The following NR2F1-AS1 variants were observed in gnomAD, a reference collection of about 807,000 sequenced individuals.
NR2F1-AS1 encodes the protein NR2F1 regulatory antisense RNA 1.
At chr5:93,463,453 G>A (rs1284189181) in intron 4 of NR2F1-AS1, among the ~76,000 whole-genome samples, 2 of 152,232 alleles carry the variant, frequency 1.3e-5, no homozygotes, top group South Asian at 2.1e-4. Context: ...GTGTGGAAGG[G>A]AAATGTGGGG....
At chr5:93,502,077 A>G (rs1309845594) in intron 4 of NR2F1-AS1, among the ~76,000 whole-genome samples, 1 of 152,246 alleles carries the variant, frequency 6.6e-6, no homozygotes, top group African/African-American at 2.4e-5. Context: ...GTATTTTTAA[A>G]TTAAAGTATG....
rs1240010048 is a variant in NR2F1-AS1 at position 93,579,912 on chromosome 5, T to A, written n.313+555A>T. ...TAATCCGCTGACACTATCGCCCACA[T>A]CAGACAGGCAGCCATCGATCGCGTT... On this transcript the variant is annotated intron_variant and non_coding_transcript_variant, in intron 1 of 5. Transcript: ENST00000660523. This position sits in a 1 kb window ranked among gnomAD's most constrained non-coding sequence, Gnocchi z 5.1. Among the ~76,000 whole-genome samples, 1 of 152,152 alleles carries A rather than the reference T, an allele frequency of 6.6e-6. No homozygotes were observed. The highest frequency in any genetic ancestry group is 1.5e-5 in the Non-Finnish European group (1 of 68,024).
At chr5:93,522,588 G>C (rs1751524448) in intron 4 of NR2F1-AS1, among the ~76,000 whole-genome samples, 1 of 152,226 alleles carries the variant, frequency 6.6e-6, no homozygotes. Context: ...CTGGTCAGCA[G>C]CTCCCAGCAA....
intron 4 of NR2F1-AS1, among the ~76,000 whole-genome samples, chr5:93,478,356 C>G (rs1295894382): frequency 6.6e-6 from 1 of 152,170 alleles, no homozygotes; most frequent in East Asian, 1.9e-4. Flanking sequence ...CAATGCTGCA[C>G]TTGTATAAAA....
chr5:93,583,311 T>TCTCTCTCTCTCTC (rs772523710), upstream of NR2F1-AS1: 4 of 151,318 alleles, frequency 2.6e-5, no homozygotes, highest in African/African-American at 4.9e-5. Context: ...CTCTTCTCTC[T>TCTCTCTCTCTCTC]CTCTCTCTCT....
At chr5:93,538,212 C>T (rs1751877475) in intron 4 of NR2F1-AS1, among the ~76,000 whole-genome samples, 1 of 152,142 alleles carries the variant, frequency 6.6e-6, no homozygotes, top group East Asian at 1.9e-4. Context: ...GTGGCTCACA[C>T]CTATAATCCC....
At chr5:93,506,997 CTG>C (rs1447578597) in intron 4 of NR2F1-AS1, among the ~76,000 whole-genome samples, 1 of 152,130 alleles carries the variant, frequency 6.6e-6, no homozygotes, top group African/African-American at 2.4e-5. Flanking sequence ...ATCTACTTAA[CTG>C]TGTCATAATC....
chr5:93,411,253 G>A (rs1178611354), intron 4 of NR2F1-AS1: 1 of 152,202 alleles, frequency 6.6e-6, no homozygotes, highest in African/African-American at 2.4e-5. Flanking sequence ...CTGATTTAAG[G>A]AGCAGCTGAG....
chr5:93,535,875 T>C (rs935704209), intron 4 of NR2F1-AS1, among the ~76,000 whole-genome samples: 13 of 152,028 alleles, frequency 8.6e-5, no homozygotes, highest in Admixed American at 3.9e-4. Flanking sequence ...GCTAACATCA[T>C]GCAAAAGATC....
At chr5:93,518,741 A>G (rs1439246390) in intron 4 of NR2F1-AS1, among the ~76,000 whole-genome samples, 4 of 152,084 alleles carry the variant, frequency 2.6e-5, no homozygotes, top group Non-Finnish European at 4.4e-5. Flanking sequence ...ATTTAAGTAT[A>G]TAAAAACAAA....
chr5:93,482,334 G>C (rs1308153772), intron 4 of NR2F1-AS1, among the ~76,000 whole-genome samples: 1 of 152,150 alleles, frequency 6.6e-6, no homozygotes, highest in African/African-American at 2.4e-5. Context: ...ACCTCACCCA[G>C]GAAGTGCAAG....
chr5:93,458,103 T>G (rs1208381336), intron 4 of NR2F1-AS1, among the ~76,000 whole-genome samples: 3 of 152,076 alleles, frequency 2.0e-5, no homozygotes, highest in Non-Finnish European at 4.4e-5. Flanking sequence ...GCATTTCTCA[T>G]CAGGTGAAAT....
chr5:93,571,623 T>C (rs1281900468), intron 1 of NR2F1-AS1, among the ~76,000 whole-genome samples: 1 of 152,006 alleles, frequency 6.6e-6, no homozygotes, highest in Non-Finnish European at 1.5e-5. Context: ...ATCCTTGTTA[T>C]GTGAGCTCAG....
chr5:93,487,309 C>G (rs1471039112), intron 4 of NR2F1-AS1, among the ~76,000 whole-genome samples: 1 of 152,174 alleles, frequency 6.6e-6, no homozygotes, highest in South Asian at 2.1e-4. Flanking sequence ...ATCAAATTGT[C>G]TCTGTTTGCA....
At chr5:93,497,629 C>T (rs1750991477) in intron 4 of NR2F1-AS1, among the ~76,000 whole-genome samples, 1 of 152,028 alleles carries the variant, frequency 6.6e-6, no homozygotes, top group African/African-American at 2.4e-5. Flanking sequence ...TTTATTGTTG[C>T]TACCTATAAA....
At chr5:93,538,732 A>C (rs571112898) in intron 4 of NR2F1-AS1, among the ~76,000 whole-genome samples, 2 of 152,290 alleles carry the variant, frequency 1.3e-5, no homozygotes, top group East Asian at 3.9e-4. Context: ...TGTTTTTATT[A>C]ATCTTTCTTA....
At chr5:93,499,318 A>G (rs1221176850) in intron 4 of NR2F1-AS1, among the ~76,000 whole-genome samples, 5 of 152,202 alleles carry the variant, frequency 3.3e-5, no homozygotes, top group African/African-American at 1.2e-4. Context: ...CTGCTTTTAC[A>G]AACTGAAGAT....
chr5:93,512,032 A>G (rs1580290598), intron 4 of NR2F1-AS1, among the ~76,000 whole-genome samples: 1 of 152,198 alleles, frequency 6.6e-6, no homozygotes, highest in South Asian at 2.1e-4. Context: ...AACTAATACT[A>G]GACTTTTTAT....
intron 4 of NR2F1-AS1, among the ~76,000 whole-genome samples, chr5:93,478,743 C>T (rs1375531847): frequency 6.6e-6 from 1 of 152,166 alleles, no homozygotes; most frequent in Non-Finnish European, 1.5e-5. Flanking sequence ...TAGGAAAATC[C>T]TGTAGCATTC....
Sources: gnomAD v4.1 joint callset for allele counts (sites outside exome capture counted in the v4.1 genomes callset) on GRCh38, gnomAD v4.1.1 for gene constraint, Gnocchi (gnomAD v3.1) non-coding constraint, MANE v1.5 for transcripts, NCBI Gene and HGNC (gene_info 2026-07-23, HGNC 2026-07-21) for gene names.